Variants in DOCK3 observed in about 807,000 individuals in gnomAD.
The protein encoded by DOCK3 is dedicator of cytokinesis protein 3.
DOCK3 carries 60 observed loss-of-function variants against 265.6 expected under a neutral mutation model. The observed-to-expected ratio is 0.23, with a 90% CI of 0.18 to 0.28. The LOEUF (loss-of-function observed/expected upper bound fraction) is 0.28. Ranked by LOEUF, DOCK3 falls within the 10% of genes least tolerant of loss-of-function variation. The probability of loss-of-function intolerance (pLI) is 1.00; values close to 1 mark genes in which losing one functional copy is unlikely to be tolerated. For synonymous variants in DOCK3, 881 were observed against 938.0 expected (o/e 0.94, Z 1.11); for missense variants, 1,981 against 2,594.3 (o/e 0.76, Z 5.14).
intron 49 of DOCK3, among the ~76,000 whole-genome samples, chr3:51,366,565 T>G (rs1465991639): frequency 6.6e-6 from 1 of 152,226 alleles, no homozygotes; most frequent in East Asian, 1.9e-4. Flanking sequence ...TCTCTAGTTC[T>G]TTTAATTGTG....
At chr3:51,176,163 T>C (rs2086939339) in intron 12 of DOCK3, among the ~76,000 whole-genome samples, 1 of 152,218 alleles carries the variant, frequency 6.6e-6, no homozygotes, top group African/African-American at 2.4e-5. Flanking sequence ...TGACTCTTGT[T>C]TATGCAGGAG....
At position 51,382,981 on chromosome 3, in the gene DOCK3, A is replaced by C. The variant is rs370017139; in HGVS notation, c.*1422A>C. ...GCCTACAAAATATTTTTTTTCTTTT[A>C]TTTGCTCGAGTTCACATTAATGATG... is the stretch of plus-strand genomic sequence containing the variant. On this transcript the variant is annotated 3_prime_UTR_variant, in exon 53 of 53. Transcript: ENST00000266037. 1.6e-4 allele frequency: 25 copies of C among 151,818 alleles called. No homozygotes were observed. In the East Asian group the frequency reaches 4.5e-3, roughly 27 times the overall value. 9.4% of individuals were successfully genotyped at this position (151,818 alleles called of 1,614,324 possible). A position where few individuals can be genotyped will look rare whatever the true frequency, so the allele number is the denominator to read the frequency against.
intron 9 of DOCK3, among the ~76,000 whole-genome samples, chr3:51,134,748 A>G (rs964596882): frequency 3.9e-5 from 6 of 152,192 alleles, no homozygotes; most frequent in Non-Finnish European, 8.8e-5. Flanking sequence ...TTTCCCATGG[A>G]ACCGAATTTT....
At chr3:51,162,802 T>G (rs758976228) in intron 12 of DOCK3, among the ~76,000 whole-genome samples, 1 of 152,230 alleles carries the variant, frequency 6.6e-6, no homozygotes, top group Non-Finnish European at 1.5e-5. Context: ...GTATTTTTCT[T>G]AGTTCCTTCT....
At chr3:51,343,238 C>G (rs116203087) in intron 38 of DOCK3, among the ~76,000 whole-genome samples, 39 of 152,312 alleles carry the variant, frequency 2.6e-4, no homozygotes, top group African/African-American at 9.1e-4. Flanking sequence ...GTTTCTAGCT[C>G]TCAACACTGC....
At chr3:51,244,136 G>A (rs1486366630) in intron 21 of DOCK3, among the ~76,000 whole-genome samples, 1 of 152,072 alleles carries the variant, frequency 6.6e-6, no homozygotes, top group South Asian at 2.1e-4. Context: ...AAATCAGGAA[G>A]TATGAGACTG....
At chr3:50,967,891 A>G (rs756343965) in intron 5 of DOCK3, among the ~76,000 whole-genome samples, 6 of 152,224 alleles carry the variant, frequency 3.9e-5, no homozygotes, top group Non-Finnish European at 4.4e-5. Context: ...AACCATATCA[A>G]ATACCCAGTA....
intron 9 of DOCK3, among the ~76,000 whole-genome samples, chr3:51,125,139 T>G (rs1336510203): frequency 2.0e-5 from 3 of 151,998 alleles, no homozygotes; most frequent in Admixed American, 2.0e-4. Flanking sequence ...AATAAATAAA[T>G]AGCCATACTT....
intron 1 of DOCK3, among the ~76,000 whole-genome samples, chr3:50,740,662 T>A (rs1015556130): frequency 1.3e-5 from 2 of 152,052 alleles, no homozygotes; most frequent in African/African-American, 4.8e-5. Flanking sequence ...ACATTCAAAA[T>A]TTTTTTTCTG....
intron 5 of DOCK3, among the ~76,000 whole-genome samples, chr3:50,966,892 A>T (rs930227348): frequency 5.3e-5 from 8 of 150,818 alleles, no homozygotes; most frequent in African/African-American, 1.5e-4. Flanking sequence ...TTATAATGCC[A>T]TTTTTTTTTC....
chr3:50,770,448 A>C (rs1047384836), intron 1 of DOCK3, among the ~76,000 whole-genome samples: 6 of 149,508 alleles, frequency 4.0e-5, no homozygotes, highest in Non-Finnish European at 6.0e-5. Context: ...AGGGGACACA[A>C]AAAAAAAGAA....
Position 50,888,824 on chromosome 3 carries a change from C to T in DOCK3, c.163-1202C>T, listed in dbSNP as rs1407180260. Among the ~76,000 whole-genome samples, 5 of 152,234 alleles carry T rather than the reference C, an allele frequency of 3.3e-5. 2 individuals are homozygous for T. Among genetic ancestry groups the T allele is most frequent in the African/African-American group, 1.2e-4 (5 of 41,570 alleles). On this transcript the variant is annotated intron_variant, in intron 3 of 52. Transcript: ENST00000266037. ...GCTAGCCATATGTAGAAAGCTGAAA[C>T]TGGATCCCTTTCTTACACCTTATAC...
intron 32 of DOCK3, 125 bp from the exon 33 acceptor site, chr3:51,330,013 A>G: frequency 3.2e-6 from 3 of 936,144 alleles, no homozygotes; most frequent in Non-Finnish European, 4.8e-6. Context: ...CTTCCCTGGG[A>G]TTTCTTTGGA....
intron 12 of DOCK3, among the ~76,000 whole-genome samples, chr3:51,168,201 A>G (rs1209059365): frequency 6.6e-6 from 1 of 152,244 alleles, no homozygotes; most frequent in African/African-American, 2.4e-5. Flanking sequence ...ATGCACTATC[A>G]AACTACTAGT....
chr3:50,787,236 TC>T, intron 2 of DOCK3: 1 of 559,844 alleles, frequency 1.8e-6, no homozygotes. Context: ...CATTTGCTTC[TC>T]CAGACACCAG....
chr3:50,721,374 TAAGG>T (rs1181155493), intron 1 of DOCK3, among the ~76,000 whole-genome samples: 1 of 152,216 alleles, frequency 6.6e-6, no homozygotes, highest in African/African-American at 2.4e-5. Context: ...GTATATGATG[TAAGG>T]AAGGGTCTAG....
At chr3:51,122,371 T>G (rs2084065073) in intron 9 of DOCK3, among the ~76,000 whole-genome samples, 1 of 152,056 alleles carries the variant, frequency 6.6e-6, no homozygotes, top group Non-Finnish European at 1.5e-5. Flanking sequence ...TCCTAGGTAC[T>G]TGGGAGGCTC....
intron 27 of DOCK3, among the ~76,000 whole-genome samples, chr3:51,307,303 A>G (rs958226534): frequency 2.6e-4 from 40 of 152,072 alleles, no homozygotes; most frequent in African/African-American, 9.2e-4. Flanking sequence ...TTTTGTAAAG[A>G]TGGGGATCTT....
At chr3:50,760,883 G>A (rs1459330082) in intron 1 of DOCK3, among the ~76,000 whole-genome samples, 30 of 151,466 alleles carry the variant, frequency 2.0e-4, no homozygotes, top group Admixed American at 1.7e-3. Context: ...CTGGGTTCAC[G>A]CCATTCTCCT....
Sources: allele counts gnomAD v4.1 joint callset (sites outside exome capture counted in the v4.1 genomes callset), GRCh38; gene constraint gnomAD v4.1.1; transcripts MANE v1.5; gene names NCBI Gene and HGNC (gene_info 2026-07-23, HGNC 2026-07-21).